Variants in HUS1 observed in about 807,000 individuals in gnomAD.
The protein encoded by HUS1 is HUS1 checkpoint clamp component.
In HUS1, 31 loss-of-function variants were observed where a neutral mutation model predicts 32.6. That is an observed-to-expected ratio of 0.95 (90% CI 0.72 to 1.28). The LOEUF (loss-of-function observed/expected upper bound fraction) is 1.28, where lower values mean the gene tolerates loss of function less well. Ranked by LOEUF, HUS1 falls within the 50% of genes most tolerant of loss-of-function variation. The pLI is 0.00. For synonymous variants in HUS1, 123 were observed against 116.6 expected, an observed-to-expected ratio of 1.06 and a Z score of -0.36; for missense variants, 340 against 337.7, an observed-to-expected ratio of 1.01 and a Z score of -0.05.
chr7:47,976,697 G>A, intron 4 of HUS1, 33 bp downstream of exon 4: 1 of 1,106,572 alleles, frequency 9.0e-7, no homozygotes, highest in Non-Finnish European at 1.4e-6. Flanking sequence ...CATTTAATGT[G>A]GGGTGTACAG....
intron 3 of HUS1, among the ~76,000 whole-genome samples, chr7:47,977,657 CGAGG>C (rs1788733505): frequency 6.6e-6 from 1 of 152,078 alleles, no homozygotes; most frequent in Admixed American, 6.5e-5. Context: ...TTTGGGAGGC[CGAGG>C]TAGGTGGATC....
In HUS1 at chr7:47,967,850, T is replaced by G. The variant is rs1283642678; in HGVS notation, c.716A>C (p.Gln239Pro). 5.0e-6 allele frequency: 8 copies of G among 1,613,976 alleles called. No homozygotes were observed. The highest frequency in any genetic ancestry group is 1.3e-5 in the African/African-American group (1 of 74,932). The change falls in exon 7 of 8, where the codon CAG (glutamine) becomes CCG (proline). Residue 239 changes from glutamine to proline, a missense_variant. Coordinates refer to ENST00000258774, the MANE Select transcript of HUS1 (RefSeq NM_004507.4). Reference sequence around the variant, plus strand: ...ATTTACTTGTTGTCCAGCAAGAAACTGTAGGAGCTTCCTAATATCTATGTG... The same window carrying G: ...ATTTACTTGTTGTCCAGCAAGAAACGGTAGGAGCTTCCTAATATCTATGTG... ...EVHIDIRKLLQFLAGQQVNPT... is the reference protein window; with the variant it reads ...EVHIDIRKLLPFLAGQQVNPT...
rs1306763036 is a variant in HUS1 at position 47,967,922 on chromosome 7, G to A, written c.644C>T (p.Ser215Phe). The change falls in exon 7 of 8, where the codon TCT becomes TTT. Residue 215 changes from serine (S) to phenylalanine (F), a missense_variant. Coordinates refer to ENST00000258774, the MANE Select transcript of HUS1 (RefSeq NM_004507.4). ...FKDLGNPPLA[S>F]ESTHEDRNVE... ...GTTTCTGTCCTCATGGGTGCTTTCAGAGGCTAAAATGATAGGAATGCATTT... is the reference window on the plus strand; with the variant it reads ...GTTTCTGTCCTCATGGGTGCTTTCAAAGGCTAAAATGATAGGAATGCATTT... The A allele has an allele frequency of 1.2e-6, 2 of 1,611,244 alleles. No individual in the cohort carries two copies. The highest frequency in any genetic ancestry group is 1.7e-6 in the Non-Finnish European group (2 of 1,178,778).
chr7:47,978,914 T>G, intron 1 of HUS1, 98 bp from the exon 2 acceptor site: 1 of 1,281,458 alleles, frequency 7.8e-7, no homozygotes, highest in Non-Finnish European at 1.1e-6. Context: ...AACTTCTCGG[T>G]GGAAAAATAA....
rs541970165 is a variant in HUS1 at position 47,975,794 on chromosome 7, A to G, written c.466-107T>C. The G allele has an allele frequency of 7.0e-5, 43 of 616,568 alleles. 1 individual carries two copies. The South Asian group carries it at 8.0e-4, about 11-fold the overall frequency. The allele number at this position is 616,568 out of a possible 1,614,324, so 38.2% of individuals were successfully genotyped here. A position where few individuals can be genotyped will look rare whatever the true frequency, so the allele number is the denominator to read the frequency against. On this transcript the variant is annotated intron_variant, in intron 4 of 7. Coordinates refer to ENST00000258774, the MANE Select transcript of HUS1 (RefSeq NM_004507.4). ...TAGAACACATGCATGCTCAAAAACT[A>G]TGGGATACTATTTTACAATTTTCTG...
intron 3 of HUS1, 92 bp from the exon 4 acceptor site, chr7:47,976,929 T>C: frequency 1.3e-6 from 1 of 764,970 alleles, no homozygotes; most frequent in South Asian, 1.6e-5. Flanking sequence ...AAAGTTGAAA[T>C]ACCAAATCTA....
intron 5 of HUS1, among the ~76,000 whole-genome samples, chr7:47,975,333 A>G (rs199874692): frequency 1.3e-5 from 2 of 151,868 alleles, no homozygotes; most frequent in African/African-American, 2.4e-5. Context: ...AAAAAAAAAA[A>G]AAGAAAGATA....
At chr7:47,976,363 T>C (rs1788703995) in intron 4 of HUS1, 2 of 460,418 alleles carry the variant, frequency 4.3e-6, no homozygotes, top group African/African-American at 2.0e-5. Context: ...ATTCTTCTCT[T>C]CTTGGCTTTC....
chr7:47,975,106 G>A (rs1788673140), intron 5 of HUS1, among the ~76,000 whole-genome samples: 1 of 152,176 alleles, frequency 6.6e-6, no homozygotes, highest in African/African-American at 2.4e-5. Flanking sequence ...GAGGTCAGGA[G>A]ATCGAGACCA....
chr7:47,969,101 C>A, intron 6 of HUS1, 118 bp downstream of exon 6: 1 of 611,938 alleles, frequency 1.6e-6, no homozygotes. Flanking sequence ...GTTCTTCACC[C>A]AAGCATGAAA....
At chr7:47,975,308 ACT>A (rs1788678160) in intron 5 of HUS1, among the ~76,000 whole-genome samples, 2 of 143,076 alleles carry the variant, frequency 1.4e-5, no homozygotes, top group South Asian at 4.4e-4. Flanking sequence ...ACAGAGTGAG[ACT>A]CTGTCTCAAA....
chr7:47,976,619 G>A (rs902770397), intron 4 of HUS1, 111 bp downstream of exon 4: 37 of 732,678 alleles, frequency 5.0e-5, no homozygotes, highest in Middle Eastern at 2.4e-4. Context: ...TAATGTTTTC[G>A]TTAAGTATCC....
At chr7:47,969,422 A>T (rs953594) in intron 5 of HUS1, 104 bp from the exon 6 acceptor site, 319,115 of 668,602 alleles carry the variant, frequency 0.48, 77,837 homozygotes, top group East Asian at 0.52. Flanking sequence ...TACCCTACAA[A>T]ACCTCAAAAC....
chr7:47,964,174 T>G lies in HUS1; in HGVS notation c.*1182A>C, dbSNP rs1342691082. ...TGGGCGGGTGGCTTGAGCCCAGGAG[T>G]TCAAGACCAGCCTGGACAACACAGT... On this transcript the variant is annotated 3_prime_UTR_variant, in exon 8 of 8. Transcript: ENST00000258774. The G allele has an allele frequency of 6.6e-6, 1 of 151,540 alleles. No homozygotes were observed. Among genetic ancestry groups the G allele is most frequent in the Non-Finnish European group, 1.5e-5 (1 of 67,940 alleles). The allele number at this position is 151,540 out of a possible 1,614,324, so 9.4% of individuals were successfully genotyped here. A position where few individuals can be genotyped will look rare whatever the true frequency, so the allele number is the denominator to read the frequency against.
chr7:47,965,488 T>G, intron 7 of HUS1, 50 bp from the exon 8 acceptor site: 1 of 1,323,548 alleles, frequency 7.6e-7, no homozygotes. Flanking sequence ...GCACACACAT[T>G]TTGATCTCTA....
intron 5 of HUS1, among the ~76,000 whole-genome samples, chr7:47,970,232 C>CAAAAAAA (rs777331089): frequency 1.0e-4 from 5 of 47,782 alleles, no homozygotes; most frequent in Non-Finnish European, 1.6e-4. Flanking sequence ...GACTCTGTCT[C>CAAAAAAA]AAAAAAAAAA....
intron 6 of HUS1, 46 bp downstream of exon 6, chr7:47,969,173 A>C (rs758411204): frequency 1.1e-6 from 1 of 926,008 alleles, no homozygotes; most frequent in South Asian, 1.4e-5. Context: ...GTTATCTGAA[A>C]CAATTAACTT....
At chr7:47,967,556 A>G (rs1461622897) in intron 7 of HUS1, among the ~76,000 whole-genome samples, 1 of 152,054 alleles carries the variant, frequency 6.6e-6, no homozygotes, top group East Asian at 1.9e-4. Context: ...CCACCTACCA[A>G]CCAGTGTGGC....
intron 1 of HUS1, 181 bp from the exon 2 acceptor site, chr7:47,978,997 G>C: frequency 1.6e-6 from 1 of 612,638 alleles, no homozygotes; most frequent in Non-Finnish European, 2.9e-6. Context: ...CAACAAACTA[G>C]GGGAGATGTA....
Sources: allele counts gnomAD v4.1 joint callset (sites outside exome capture counted in the v4.1 genomes callset), GRCh38; gene constraint gnomAD v4.1.1; transcripts MANE v1.5; gene names NCBI Gene and HGNC (gene_info 2026-07-23, HGNC 2026-07-21).